Variants in AGAP2 observed in about 807,000 individuals in gnomAD.
AGAP2 encodes the protein arf-GAP with GTPase, ANK repeat and PH domain-containing protein 2.
A neutral mutation model predicts 110.9 loss-of-function variants in AGAP2; 32 were observed. The observed-to-expected ratio is 0.29, with a 90% CI of 0.22 to 0.39. The LOEUF is 0.39. Among genes scored for constraint, AGAP2 ranks in the 10% least tolerant of loss-of-function variants. AGAP2 has a pLI of 1.00. For missense variants in AGAP2, 1,285 were observed against 1,638.5 expected (o/e 0.78, Z 3.72); for synonymous variants, 702 against 713.0 (o/e 0.98, Z 0.25).
intron 16 of AGAP2, 39 bp from the exon 17 acceptor site, chr12:57,727,621 G>A (rs1954796451): frequency 1.9e-6 from 3 of 1,590,964 alleles, no homozygotes; most frequent in Admixed American, 1.8e-5. Flanking sequence ...CAGCCGGGCA[G>A]CACAGGCACC....
rs1374710027 is a variant in AGAP2 at position 57,734,022 on chromosome 12, T to G, written c.1549+4A>C. ...AAAGCAGTGCTTTCCTAACCCCTCCTTACCTTGTGTCCCCACCAGTGCCAA... is the reference window on the plus strand; with the variant it reads ...AAAGCAGTGCTTTCCTAACCCCTCCGTACCTTGTGTCCCCACCAGTGCCAA... On this transcript the variant is annotated splice_donor_region_variant and intron_variant, in intron 5 of 18. Transcript: ENST00000547588. The G allele has an allele frequency of 6.3e-7, 1 of 1,575,166 alleles. No homozygotes were observed.
Position 57,727,777 on chromosome 12 carries a change from G to T in AGAP2, c.2767-6C>A. 6.3e-7 allele frequency: 1 copy of T among 1,576,234 alleles called. No individual in the cohort carries two copies. Reference sequence around the variant, plus strand: ...CTTTGGCTGTCTGTGCGCAGCTGCAGAGAGGGTTTGGGTTGGCACTGACTC... The same window carrying T: ...CTTTGGCTGTCTGTGCGCAGCTGCATAGAGGGTTTGGGTTGGCACTGACTC... On this transcript the variant is annotated splice_polypyrimidine_tract_variant and splice_region_variant and intron_variant, in intron 15 of 18. Transcript: ENST00000547588.
intron 5 of AGAP2, among the ~76,000 whole-genome samples, chr12:57,733,728 G>A (rs1954928334): frequency 6.6e-6 from 1 of 152,190 alleles, no homozygotes; most frequent in South Asian, 2.1e-4. Flanking sequence ...CTAGGATGGT[G>A]GCACTAGGAA....
In AGAP2 at chr12:57,737,817, G is replaced by T; in HGVS notation, c.430C>A (p.Leu144Met). The T allele has an allele frequency of 6.7e-7, 1 of 1,501,002 alleles. No individual in the cohort carries two copies. 93.0% of individuals were successfully genotyped at this position (1,501,002 alleles called of 1,614,324 possible). The change falls in exon 1 of 19, where the codon CTG (leucine) becomes ATG (methionine). Residue 144 changes from leucine (L) to methionine (M), a missense_variant. Physicochemically the swap from Leu to Met is conservative, Grantham distance 15. Transcript: ENST00000547588. This position sits in a 1 kb window ranked among gnomAD's most constrained non-coding sequence, Gnocchi z 5.9. ...CCGCCCCAGCTCGGGCTGCTGAGCA[G>T]GGGGCGCCGGGAGGAGGTGGGGGCG... ...GGAPTSSRRPLLSSPSWGGPE... is the reference protein window; with the variant it reads ...GGAPTSSRRPMLSSPSWGGPE...
At chr12:57,741,942 T>C (rs367992903), upstream of AGAP2, 174 of 1,614,038 alleles carry the variant, frequency 1.1e-4, no homozygotes, top group Non-Finnish European at 1.4e-4. Flanking sequence ...GCCTGGATGC[T>C]GTCCTGGAGT....
intron 7 of AGAP2, 83 bp downstream of exon 7, chr12:57,732,320 T>A: frequency 7.7e-7 from 1 of 1,302,182 alleles, no homozygotes; most frequent in South Asian, 1.3e-5. Context: ...CTGAACCTCC[T>A]TGGGTACTCT....
rs781540854 is a variant in AGAP2 at position 57,726,950 on chromosome 12, C to G, written c.3336+24G>C. 2.0e-6 allele frequency: 3 copies of G among 1,518,434 alleles called. No individual in the cohort carries two copies. In the East Asian group the frequency reaches 6.9e-5, roughly 35 times the overall value. 94.1% of individuals were successfully genotyped at this position (1,518,434 alleles called of 1,614,324 possible). A position where few individuals can be genotyped will look rare whatever the true frequency, so the allele number is the denominator to read the frequency against. On this transcript the variant is annotated intron_variant, in intron 18 of 18. Coordinates refer to ENST00000547588, the MANE Select transcript of AGAP2 (RefSeq NM_001122772.3). This position sits in a 1 kb window ranked among gnomAD's most constrained non-coding sequence, Gnocchi z 5.7. The stretch of plus-strand genomic sequence containing the variant: ...TCCGAGATGAAGCCTCAAAGACCCC[C>G]TTTCCTCCCCCCAGCTCACGTACCC...
Position 57,726,470 on chromosome 12 carries a change from G to A in AGAP2, c.*82C>T. 1 of 1,128,802 alleles carries A rather than the reference G, an allele frequency of 8.9e-7. No individual in the cohort carries two copies. The highest frequency in any genetic ancestry group is 1.1e-6 in the Non-Finnish European group (1 of 919,188). 69.9% of individuals were successfully genotyped at this position (1,128,802 alleles called of 1,614,324 possible). A position where few individuals can be genotyped will look rare whatever the true frequency, so the allele number is the denominator to read the frequency against. On this transcript the variant is annotated 3_prime_UTR_variant, in exon 19 of 19. Coordinates refer to ENST00000547588, the MANE Select transcript of AGAP2 (RefSeq NM_001122772.3). The surrounding 1 kb of genome is among the most constrained non-coding windows in gnomAD (Gnocchi z 5.7). ...GGCGGGGTGCGGATCGGAGAGGTGA[G>A]TGGGTGCGTCTGTCCAGCGGTCCGC...
Position 57,731,911 on chromosome 12 carries a change from A to G in AGAP2, c.1851T>C (p.Asn617=), listed in dbSNP as rs775161742. 6.2e-7 allele frequency: 1 copy of G among 1,613,520 alleles called. No individual in the cohort carries two copies. Among genetic ancestry groups the G allele is most frequent in the Non-Finnish European group, 8.5e-7 (1 of 1,179,888 alleles). Residue 617 remains asparagine, a synonymous_variant, in exon 8 of 19, where the codon AAT becomes AAC. Coordinates refer to ENST00000547588, the MANE Select transcript of AGAP2 (RefSeq NM_001122772.3). ...DYSSSLPSSP[N]VGHRELRAEA... ...CGGCTCGGAGCTCCCGGTGACCAAC[A>G]TTCGGTGAGGACGGGAGGGAAGAAG...
chr12:57,741,003 G>T (rs1955070536), upstream of AGAP2, among the ~76,000 whole-genome samples: 1 of 152,218 alleles, frequency 6.6e-6, no homozygotes, highest in Non-Finnish European at 1.5e-5. Flanking sequence ...TATGATGGAA[G>T]AAGTGTTTCC....
At chr12:57,741,919 G>A (rs1955081113), upstream of AGAP2, 1 of 1,613,492 alleles carries the variant, frequency 6.2e-7, no homozygotes, top group Non-Finnish European at 8.5e-7. Flanking sequence ...TACCTCGAAT[G>A]CTGTCCAATG....
Position 57,734,356 on chromosome 12 carries a change from A to C in AGAP2, c.1364T>G (p.Val455Gly). The C allele has an allele frequency of 6.2e-7, 1 of 1,614,164 alleles. No individual in the cohort carries two copies. Reference protein sequence around the residue: ...EMLVDGQTHLVLIREEAGAPD... With the variant: ...EMLVDGQTHLGLIREEAGAPD... ...TGCCCCAGCTTCCTCTCGGATTAGC[A>C]CCAGATGTGTCTGTCCATCCACCAA... Residue 455 changes from valine (V) to glycine (G), a missense_variant, in exon 4 of 19, where the codon GTG (valine) becomes GGG (glycine). Coordinates refer to ENST00000547588, the MANE Select transcript of AGAP2 (RefSeq NM_001122772.3).
intron 5 of AGAP2, 110 bp from the exon 6 acceptor site, chr12:57,733,089 G>C (rs1954917667): frequency 7.3e-7 from 1 of 1,375,206 alleles, no homozygotes; most frequent in African/African-American, 1.4e-5. Flanking sequence ...ACTGGGGATG[G>C]GGTGTGAGAG....
upstream of AGAP2, chr12:57,742,050 C>T (rs113574153): frequency 2.1e-5 from 34 of 1,614,176 alleles, no homozygotes; most frequent in South Asian, 6.6e-5. Flanking sequence ...GCAGCTACAA[C>T]GAACTGCCTC....
Position 57,727,471 on chromosome 12 carries a change from T to A in AGAP2, c.2969A>T (p.Asp990Val). The A allele has an allele frequency of 6.2e-7, 1 of 1,613,340 alleles. No individual in the cohort carries two copies. Among genetic ancestry groups the A allele is most frequent in the Non-Finnish European group, 8.5e-7 (1 of 1,179,848 alleles). The part of the protein sequence containing the change: ...LSRVRSLDLD[D>V]WPRELTLVLT... ...CACCAGGGTCAGCTCCCGTGGCCAGTCGTCCAAGTCCAGCGAGCGAACGCG... is the reference window on the plus strand; with the variant it reads ...CACCAGGGTCAGCTCCCGTGGCCAGACGTCCAAGTCCAGCGAGCGAACGCG... The change falls in exon 17 of 19, where the codon GAC becomes GTC. Residue 990 changes from aspartate (D) to valine (V), a missense_variant. Coordinates refer to ENST00000547588, the MANE Select transcript of AGAP2 (RefSeq NM_001122772.3).
upstream of AGAP2, among the ~76,000 whole-genome samples, chr12:57,741,201 G>T (rs1955072571): frequency 6.6e-6 from 1 of 152,200 alleles, no homozygotes; most frequent in Non-Finnish European, 1.5e-5. Context: ...GGGTGGGCAG[G>T]AGGATGTGGC....
upstream of AGAP2, among the ~76,000 whole-genome samples, chr12:57,739,008 C>A (rs1049118051): frequency 9.3e-5 from 14 of 150,418 alleles, no homozygotes; most frequent in East Asian, 7.9e-4. Context: ...ATCTCCCCCC[C>A]ACCTTTTCTC....
Position 57,728,321 on chromosome 12 carries a change from C to T in AGAP2, c.2614G>A (p.Ala872Thr), listed in dbSNP as rs1168681612. The T allele has an allele frequency of 3.7e-6, 6 of 1,613,818 alleles. No homozygotes were observed. The highest frequency in any genetic ancestry group is 5.1e-6 in the Non-Finnish European group (6 of 1,179,892). Residue 872 changes from alanine (A) to threonine (T), a missense_variant, in exon 14 of 19, where the codon GCA (alanine) becomes ACA (threonine). Physicochemically the swap from Ala to Thr is moderately conservative, Grantham distance 58. Transcript: ENST00000547588. ...SFGSLRNIYK[A>T]EENFEFLIVS... The stretch of plus-strand genomic sequence containing the variant: ...CTCCCGGCTCCCCACTTGTTACCTG[C>T]TTTATAAATATTTCTTAAACTACCA...
In AGAP2 at chr12:57,730,510, G is replaced by C. The variant is rs762750953; in HGVS notation, c.2413C>G (p.Arg805Gly). Residue 805 changes from arginine (R) to glycine (G), a missense_variant, in exon 12 of 19, where the codon CGA becomes GGA. This residue lies in a region of AGAP2 where 135 missense variants were observed against 182.0 expected (regional missense o/e 0.74). Transcript: ENST00000547588. ...HLLKPDRNLA[R>G]ALSTDCTPSG... ...CCCCACTGACCCGTGCTGAGGGCTC[G>C]GGCCAAATTCCGGTCTGGCTTCAGC... The C allele has an allele frequency of 6.2e-7, 1 of 1,614,144 alleles. No individual in the cohort carries two copies. Among genetic ancestry groups the C allele is most frequent in the East Asian group, 2.2e-5 (1 of 44,884 alleles).
Sources: gnomAD v4.1 joint callset for allele counts (sites outside exome capture counted in the v4.1 genomes callset) on GRCh38, gnomAD v4.1.1 for gene constraint, gnomAD v4.1.1 regional missense constraint, Gnocchi (gnomAD v3.1) non-coding constraint, MANE v1.5 for transcripts, NCBI Gene and HGNC (gene_info 2026-07-23, HGNC 2026-07-21) for gene names.